BTBD3: variants seen among roughly 807,000 people sequenced by gnomAD.
BTBD3 encodes the protein BTB/POZ domain-containing protein 3.
BTBD3 carries 14 observed loss-of-function variants against 41.6 expected under a neutral mutation model. The ratio of observed to expected loss-of-function variants is 0.34; its 90% CI spans 0.22 to 0.53. The LOEUF (loss-of-function observed/expected upper bound fraction) is 0.53, where lower values mean the gene tolerates loss of function less well. Ranked by LOEUF, BTBD3 falls within the 20% of genes least tolerant of loss-of-function variation. BTBD3 has a pLI of 0.95. For synonymous variants in BTBD3, 249 were observed against 233.7 expected (o/e 1.07, Z -0.60); for missense variants, 426 against 654.7 (o/e 0.65, Z 3.81).
At chr20:11,900,118 C>T (rs1301841014) in intron 1 of BTBD3, among the ~76,000 whole-genome samples, 2 of 152,216 alleles carry the variant, frequency 1.3e-5, no homozygotes, top group African/African-American at 2.4e-5. Context: ...TTACCATGCA[C>T]ATTGGAAATA....
At chr20:11,901,637 T>G (rs1220988043) in intron 1 of BTBD3, among the ~76,000 whole-genome samples, 3 of 152,228 alleles carry the variant, frequency 2.0e-5, no homozygotes, top group Non-Finnish European at 4.4e-5. Flanking sequence ...ATTACTTTAT[T>G]AGCTACTTTC....
upstream of BTBD3, among the ~76,000 whole-genome samples, chr20:11,916,805 C>T (rs532577278): frequency 6.6e-6 from 1 of 152,202 alleles, no homozygotes; most frequent in East Asian, 1.9e-4. Context: ...AACAAATGAG[C>T]GTGATCCAAA....
At chr20:11,893,061 A>AT (rs372135323) in intron 1 of BTBD3, among the ~76,000 whole-genome samples, 60,349 of 148,846 alleles carry the variant, frequency 0.41, 11,950 homozygotes, top group Middle Eastern at 0.45. Flanking sequence ...AAAAATGTTC[A>AT]TTTTTTTTTT....
rs2122343975 is a variant in BTBD3, at chr20:11,923,823, A to G, written c.*157A>G. The G allele has an allele frequency of 2.9e-6, 2 of 688,810 alleles. No individual in the cohort carries two copies. Among genetic ancestry groups the G allele is most frequent in the East Asian group, 2.7e-5 (1 of 36,406 alleles). The allele number at this position is 688,810 out of a possible 1,614,324, so 42.7% of individuals were successfully genotyped here. Reference sequence around the variant, plus strand: ...ATTTCTTTTAACCTTTTAATTATGTACAGGCAAAAATGCAGCATTCCGCTT... The same window carrying G: ...ATTTCTTTTAACCTTTTAATTATGTGCAGGCAAAAATGCAGCATTCCGCTT... On this transcript the variant is annotated 3_prime_UTR_variant, in exon 4 of 4. Transcript: ENST00000378226. This position sits in a 1 kb window ranked among gnomAD's most constrained non-coding sequence, Gnocchi z 5.3.
At chr20:11,898,970 A>G (rs1212776341) in intron 1 of BTBD3, among the ~76,000 whole-genome samples, 2 of 152,156 alleles carry the variant, frequency 1.3e-5, no homozygotes, top group Non-Finnish European at 2.9e-5. Context: ...TTTTTAATCA[A>G]GAGTAGGTGT....
At chr20:11,916,305 G>A (rs2056917446), upstream of BTBD3, among the ~76,000 whole-genome samples, 1 of 152,166 alleles carries the variant, frequency 6.6e-6, no homozygotes, top group African/African-American at 2.4e-5. Context: ...AGGTCAATAG[G>A]AGCTTACTTG....
chr20:11,913,802 G>GGGT (rs554142704), upstream of BTBD3: 1 of 152,208 alleles, frequency 6.6e-6, no homozygotes, highest in South Asian at 2.1e-4. Context: ...AAACCTTCCA[G>GGGT]TGGTGAAAAG....
Position 11,919,144 on chromosome 20 carries a change from C to T in BTBD3, c.385C>T (p.Pro129Ser). The change falls in exon 2 of 4, where the codon CCA becomes TCA. Residue 129 changes from proline to serine, a missense_variant. Transcript: ENST00000378226. The stretch of plus-strand genomic sequence containing the variant: ...AGATGTACATTTTGTGGTTGGGCCA[C>T]CAGGTGGGACTCAACGGTTGCCAGG... ...MADVHFVVGP[P>S]GGTQRLPGHK... 6.2e-7 allele frequency: 1 copy of T among 1,613,696 alleles called. No individual in the cohort carries two copies. Among genetic ancestry groups the T allele is most frequent in the Non-Finnish European group, 8.5e-7 (1 of 1,179,788 alleles).
Position 11,926,190 on chromosome 20 carries a change from C to T in BTBD3, c.*2524C>T, listed in dbSNP as rs761012649. 2.0e-5 allele frequency: 3 copies of T among 152,642 alleles called. No homozygotes were observed. Among genetic ancestry groups the T allele is most frequent in the Non-Finnish European group, 4.4e-5 (3 of 68,048 alleles). The allele number at this position is 152,642 out of a possible 1,614,324, so 9.5% of individuals were successfully genotyped here. On this transcript the variant is annotated 3_prime_UTR_variant, in exon 4 of 4. Transcript: ENST00000378226. Reference sequence around the variant, plus strand: ...AAACACAACTTTATTAAGCAGAATACACTGTAGATGCTTTTCCCCAACGTA... The same window carrying T: ...AAACACAACTTTATTAAGCAGAATATACTGTAGATGCTTTTCCCCAACGTA...
chr20:11,921,604 T>C (rs891550263), intron 3 of BTBD3: 7 of 152,212 alleles, frequency 4.6e-5, no homozygotes, highest in Non-Finnish European at 1.0e-4. Context: ...TCAAGTGGCC[T>C]TGCCATCAGT....
intron 1 of BTBD3, among the ~76,000 whole-genome samples, chr20:11,912,057 CAAGGT>C (rs2056892747): frequency 6.6e-6 from 1 of 152,020 alleles, no homozygotes; most frequent in African/African-American, 2.4e-5. Flanking sequence ...AAGTACAATT[CAAGGT>C]TAACTGGAGC....
chr20:11,890,859 G>A, exon 1 of BTBD3: 2 of 985,128 alleles, frequency 2.0e-6, no homozygotes, highest in Non-Finnish European at 2.4e-6. Flanking sequence ...CCCGCCGGGC[G>A]CTGGATCTCC....
chr20:11,920,444 A>T (rs1198653842), intron 3 of BTBD3, among the ~76,000 whole-genome samples: 3 of 152,222 alleles, frequency 2.0e-5, no homozygotes, highest in African/African-American at 4.8e-5. Context: ...GTACAGTTTC[A>T]TGTGGATTTA....
chr20:11,920,433 C>T (rs1312526710), intron 3 of BTBD3, among the ~76,000 whole-genome samples: 4 of 152,082 alleles, frequency 2.6e-5, no homozygotes, highest in African/African-American at 4.8e-5. Context: ...TGGATAGTCT[C>T]GTACAGTTTC....
intron 1 of BTBD3, among the ~76,000 whole-genome samples, chr20:11,903,901 C>T (rs1463630811): frequency 6.6e-6 from 1 of 152,148 alleles, no homozygotes; most frequent in African/African-American, 2.4e-5. Context: ...AGCCACCGCT[C>T]TTAATTTTTG....
At position 11,923,548 on chromosome 20, in the gene BTBD3, A is replaced by G; in HGVS notation, c.1451A>G (p.Glu484Gly). The change falls in exon 4 of 4, where the codon GAA becomes GGA. Residue 484 changes from glutamate (E) to glycine (G), a missense_variant. Coordinates refer to ENST00000378226, the MANE Select transcript of BTBD3 (RefSeq NM_014962.4). This position sits in a 1 kb window ranked among gnomAD's most constrained non-coding sequence, Gnocchi z 5.3. ...DGNELSYFGQ[E>G]GMTEVQCGKV... ...AATGAACTCAGCTACTTTGGACAAGAAGGCATGACAGAAGTTCAGTGTGGC... is the reference window on the plus strand; with the variant it reads ...AATGAACTCAGCTACTTTGGACAAGGAGGCATGACAGAAGTTCAGTGTGGC... 6.2e-7 allele frequency: 1 copy of G among 1,614,228 alleles called. No individual in the cohort carries two copies. Among genetic ancestry groups the G allele is most frequent in the Non-Finnish European group, 8.5e-7 (1 of 1,180,050 alleles).
chr20:11,924,659 C>G lies in BTBD3; in HGVS notation c.*993C>G, dbSNP rs2057004098. The G allele has an allele frequency of 6.6e-6, 1 of 152,610 alleles. No individual in the cohort carries two copies. Among genetic ancestry groups the G allele is most frequent in the South Asian group, 2.1e-4 (1 of 4,830 alleles). The allele number at this position is 152,610 out of a possible 1,614,324, so 9.5% of individuals were successfully genotyped here. On this transcript the variant is annotated 3_prime_UTR_variant, in exon 4 of 4. Transcript: ENST00000378226. ...ACAATTCTTTATACAAATGGAGTAG[C>G]AACTAGTTTTGTAGCACTACATTTA...
chr20:11,920,699 A>T (rs1467591771), intron 3 of BTBD3, among the ~76,000 whole-genome samples: 1 of 152,198 alleles, frequency 6.6e-6, no homozygotes, highest in Non-Finnish European at 1.5e-5. Context: ...ATTCTAGCAC[A>T]GCAAAGTGTA....
chr20:11,906,423 C>T (rs111675295), intron 1 of BTBD3, among the ~76,000 whole-genome samples: 26 of 151,846 alleles, frequency 1.7e-4, no homozygotes, highest in African/African-American at 6.3e-4. Context: ...GCCACCACAC[C>T]TGGCTAATTT....
Sources: gnomAD v4.1 joint callset for allele counts (sites outside exome capture counted in the v4.1 genomes callset) on GRCh38, gnomAD v4.1.1 for gene constraint, Gnocchi (gnomAD v3.1) non-coding constraint, MANE v1.5 for transcripts, NCBI Gene and HGNC (gene_info 2026-07-23, HGNC 2026-07-21) for gene names.